Variants in SORCS2 observed in about 807,000 individuals in gnomAD.
The protein encoded by SORCS2 is sortilin related VPS10 domain containing receptor 2.
SORCS2 carries 100 observed loss-of-function variants against 141.6 expected under a neutral mutation model. The ratio of observed to expected loss-of-function variants is 0.71; its 90% CI spans 0.60 to 0.83. The LOEUF (loss-of-function observed/expected upper bound fraction) is 0.83, where lower values mean the gene tolerates loss of function less well. Ranked by LOEUF, SORCS2 falls within the 40% of genes least tolerant of loss-of-function variation. SORCS2 has a pLI of 0.00. For missense variants in SORCS2, 1,646 were observed against 1,560.2 expected, an observed-to-expected ratio of 1.05 and a Z score of -0.93; for synonymous variants, 789 against 676.9, an observed-to-expected ratio of 1.17 and a Z score of -2.57.
intron 3 of SORCS2, among the ~76,000 whole-genome samples, chr4:7,603,124 C>G (rs192137510): frequency 8.6e-5 from 13 of 151,048 alleles, no homozygotes; most frequent in Middle Eastern, 3.4e-3. Context: ...GTTCAGCCTC[C>G]GCTCGGCATC....
rs566146509 is a variant in SORCS2 at position 7,602,831 on chromosome 4, C to G, written c.649-35497C>G. Reference sequence around the variant, plus strand: ...GCGGCTGGGAGGTGGAGGTTGTAGCCAACCGAGATCACGCCACTGCACTCC... The same window carrying G: ...GCGGCTGGGAGGTGGAGGTTGTAGCGAACCGAGATCACGCCACTGCACTCC... On this transcript the variant is annotated intron_variant, in intron 3 of 26. Coordinates refer to ENST00000507866, the MANE Select transcript of SORCS2 (RefSeq NM_020777.3). 4.7e-4 allele frequency among the ~76,000 whole-genome samples: 71 copies of G among 152,314 alleles called. No homozygotes were observed. In the South Asian group the frequency reaches 9.8e-3, roughly 21 times the overall value.
intron 1 of SORCS2, among the ~76,000 whole-genome samples, chr4:7,350,220 A>G (rs1426470585): frequency 6.6e-6 from 1 of 152,178 alleles, no homozygotes; most frequent in Non-Finnish European, 1.5e-5. Flanking sequence ...GTCCTTCCAA[A>G]CCAGGAAAGC....
rs74757448 is a variant in SORCS2, at chr4:7,377,486, C to T, written c.481-18802C>T. On this transcript the variant is annotated intron_variant, in intron 1 of 26. Coordinates refer to ENST00000507866, the MANE Select transcript of SORCS2 (RefSeq NM_020777.3). Reference sequence around the variant, plus strand: ...TCACTTCAGCTTCCCCTCTGAAAGCCGAGACCACATCCTGATGCATGTTTA... The same window carrying T: ...TCACTTCAGCTTCCCCTCTGAAAGCTGAGACCACATCCTGATGCATGTTTA... Among the ~76,000 whole-genome samples the T allele has an allele frequency of 2.5e-3, 385 of 152,316 alleles. 4 individuals carry two copies. The highest frequency in any genetic ancestry group is 8.7e-3 in the African/African-American group (360 of 41,562).
At chr4:7,451,201 GGAGT>G (rs1014717378) in intron 2 of SORCS2, among the ~76,000 whole-genome samples, 10 of 152,146 alleles carry the variant, frequency 6.6e-5, no homozygotes, top group African/African-American at 1.4e-4. Context: ...AATGCATGAT[GGAGT>G]GAGTGAGTGA....
intron 1 of SORCS2, among the ~76,000 whole-genome samples, chr4:7,273,768 T>G (rs1715293243): frequency 6.6e-6 from 1 of 152,194 alleles, no homozygotes; most frequent in African/African-American, 2.4e-5. Flanking sequence ...GGCTCTGTCA[T>G]TAGAAAGCTC....
intron 3 of SORCS2, among the ~76,000 whole-genome samples, chr4:7,550,294 G>A (rs1169518637): frequency 7.2e-6 from 1 of 138,608 alleles, no homozygotes; most frequent in African/African-American, 2.5e-5. Context: ...GCAAGGCACT[G>A]GGGGCCTGAG....
At chr4:7,420,172 G>A (rs187180918) in intron 2 of SORCS2, among the ~76,000 whole-genome samples, 1 of 152,226 alleles carries the variant, frequency 6.6e-6, no homozygotes, top group Non-Finnish European at 1.5e-5. Flanking sequence ...CAATGTGCCT[G>A]GGGGGCAAGG....
chr4:7,204,637 CAGG>C (rs1727638739), intron 1 of SORCS2, among the ~76,000 whole-genome samples: 1 of 152,084 alleles, frequency 6.6e-6, no homozygotes, highest in African/African-American at 2.4e-5. Context: ...AGGAAATCCA[CAGG>C]AGGAGAAACA....
chr4:7,650,823 TC>T (rs1467776721), intron 4 of SORCS2, among the ~76,000 whole-genome samples: 65 of 150,872 alleles, frequency 4.3e-4, no homozygotes, highest in African/African-American at 1.4e-3. Context: ...CAGCGACCTC[TC>T]CTGGCCCAGG....
intron 1 of SORCS2, among the ~76,000 whole-genome samples, chr4:7,206,818 T>C (rs1241040536): frequency 6.6e-6 from 1 of 152,058 alleles, no homozygotes; most frequent in Non-Finnish European, 1.5e-5. Flanking sequence ...CCCAGCCTCA[T>C]CTCACCCAGT....
chr4:7,349,439 G>A (rs1018891644), intron 1 of SORCS2, among the ~76,000 whole-genome samples: 7 of 152,138 alleles, frequency 4.6e-5, no homozygotes, highest in Non-Finnish European at 8.8e-5. Context: ...TGGGCTGGGT[G>A]TCCTGCGCCA....
intron 3 of SORCS2, among the ~76,000 whole-genome samples, chr4:7,611,127 C>T (rs574245604): frequency 3.3e-5 from 5 of 152,198 alleles, no homozygotes; most frequent in Non-Finnish European, 7.3e-5. Context: ...GCTACTGAGG[C>T]TGTGAAAAGC....
In SORCS2 at chr4:7,733,026, C is replaced by T. The variant is rs576745520; in HGVS notation, c.3109-296C>T. ...CTACTTCCGGTAGATCCCACCAGAT[C>T]CCCCTCCCTCTCCCCACCCCTCTGG... is the stretch of plus-strand genomic sequence containing the variant. On this transcript the variant is annotated intron_variant, in intron 23 of 26. Coordinates refer to ENST00000507866, the MANE Select transcript of SORCS2 (RefSeq NM_020777.3). 1.4e-3 allele frequency among the ~76,000 whole-genome samples: 204 copies of T among 145,678 alleles called. 1 individual carries two copies. Among genetic ancestry groups the T allele is most frequent in the African/African-American group, 5.1e-3 (199 of 39,366 alleles).
intron 1 of SORCS2, among the ~76,000 whole-genome samples, chr4:7,272,367 G>T (rs557125055): frequency 2.6e-5 from 4 of 152,326 alleles, no homozygotes; most frequent in African/African-American, 9.6e-5. Flanking sequence ...CCTGAAGAAT[G>T]GCGTTGATTA....
chr4:7,550,133 TGTGTG>T (rs2109628354), intron 3 of SORCS2, among the ~76,000 whole-genome samples: 1 of 7,150 alleles, frequency 1.4e-4, no homozygotes, highest in Non-Finnish European at 4.5e-4. Flanking sequence ...TATGTGTGTA[TGTGTG>T]TGTGTGTGTG....
intron 3 of SORCS2, among the ~76,000 whole-genome samples, chr4:7,547,644 C>T (rs1226838593): frequency 6.6e-6 from 1 of 152,190 alleles, no homozygotes; most frequent in Admixed American, 6.5e-5. Flanking sequence ...GATCCTGCCT[C>T]CTTCCACCCA....
intron 2 of SORCS2, among the ~76,000 whole-genome samples, chr4:7,457,134 A>G (rs10023729): frequency 0.96 from 145,687 of 152,232 alleles, 70,019 homozygotes; most frequent in South Asian, 1. Context: ...TCAGTCAACC[A>G]GAGTGAACAG....
At chr4:7,509,963 T>C (rs900361284) in intron 2 of SORCS2, among the ~76,000 whole-genome samples, 1 of 152,232 alleles carries the variant, frequency 6.6e-6, no homozygotes, top group Non-Finnish European at 1.5e-5. Flanking sequence ...TTTCTTCTAA[T>C]TGCCATGAGT....
At chr4:7,424,469 A>T (rs913304903) in intron 2 of SORCS2, among the ~76,000 whole-genome samples, 3 of 152,176 alleles carry the variant, frequency 2.0e-5, no homozygotes, top group Non-Finnish European at 4.4e-5. Context: ...CCCCTTGGCT[A>T]TAAAATCCGG....
Sources: allele counts gnomAD v4.1 joint callset (sites outside exome capture counted in the v4.1 genomes callset), GRCh38; gene constraint gnomAD v4.1.1; transcripts MANE v1.5; gene names NCBI Gene and HGNC (gene_info 2026-07-23, HGNC 2026-07-21).